The following DIP2A variants were observed in gnomAD, a reference collection of about 807,000 sequenced individuals.
The protein encoded by DIP2A is DIP2 acetate--CoA ligase A, also known as disco-interacting protein 2 homolog A.
DIP2A carries 85 observed loss-of-function variants against 177.4 expected under a neutral mutation model. The observed-to-expected ratio is 0.48, with a 90% CI of 0.40 to 0.57. The LOEUF is 0.57. DIP2A is among the 20% of genes least tolerant of loss of function. DIP2A has a pLI of 0.00. For synonymous variants in DIP2A, 886 were observed against 881.8 expected, an observed-to-expected ratio of 1.00 and a Z score of -0.08; for missense variants, 1,791 against 2,100.2, an observed-to-expected ratio of 0.85 and a Z score of 2.88.
In DIP2A at chr21:46,537,795, C is replaced by T. The variant is rs772727687; in HGVS notation, c.1801+256C>T. On this transcript the variant is annotated intron_variant, in intron 15 of 37. Transcript: ENST00000417564. The surrounding 1 kb of genome is among the most constrained non-coding windows in gnomAD (Gnocchi z 4.1). ...GGGGTCTGGGCCTTACTTCTCTCAA[C>T]GGTTGAGGTGCCTCCTGGGACCAAG... Among the ~76,000 whole-genome samples, 3 of 152,078 alleles carry T rather than the reference C, an allele frequency of 2.0e-5. No homozygotes were observed. The highest frequency in any genetic ancestry group is 2.9e-5 in the Non-Finnish European group (2 of 68,018).
rs374726250 is a variant in DIP2A, at chr21:46,560,743, A to C, written c.3991A>C (p.Thr1331Pro). 6.2e-6 allele frequency: 10 copies of C among 1,609,340 alleles called. No homozygotes were observed. The African/African-American group carries it at 9.4e-5, about 15-fold the overall frequency. Residue 1331 changes from threonine to proline, a missense_variant, in exon 33 of 38, where the codon ACA becomes CCA. Physicochemically the swap from Thr to Pro is conservative, Grantham distance 38 (BLOSUM62 -1). Coordinates refer to ENST00000417564, the MANE Select transcript of DIP2A (RefSeq NM_015151.4). ...CCAGGGCACAGCTGGCCCGGACCCC[A>C]CAACCGTCTACGTGGACATGCGGGC... Reference protein sequence around the residue: ...CLQGTAGPDPTTVYVDMRALR... With the variant: ...CLQGTAGPDPPTVYVDMRALR...
At chr21:46,566,712 CGTG>C in intron 37 of DIP2A, 29 bp downstream of exon 37, 1 of 1,613,404 alleles carries the variant, frequency 6.2e-7, no homozygotes, top group Non-Finnish European at 8.5e-7. Flanking sequence ...GGCGGCTTCA[CGTG>C]GTCCCTCCAG....
intron 1 of DIP2A, among the ~76,000 whole-genome samples, chr21:46,466,140 G>C (rs1409876114): frequency 2.0e-5 from 3 of 152,108 alleles, no homozygotes; most frequent in South Asian, 2.1e-4. Context: ...TAATGAATGA[G>C]TATTTGATAT....
At chr21:46,499,140 T>C (rs922431464) in intron 5 of DIP2A, among the ~76,000 whole-genome samples, 1 of 152,206 alleles carries the variant, frequency 6.6e-6, no homozygotes, top group African/African-American at 2.4e-5. Context: ...AGTTGCAAAT[T>C]TTTTCCCCCA....
In DIP2A at chr21:46,557,942, C is replaced by A. The variant is rs749591047; in HGVS notation, c.3798+189C>A. On this transcript the variant is annotated intron_variant, in intron 31 of 37. Transcript: ENST00000417564. The surrounding 1 kb of genome is among the most constrained non-coding windows in gnomAD (Gnocchi z 6.0). ...CGGCCCACCTGTCTCTGCAGCTCCACACCCCGCAGGAGAGGAGGGTGGGGG... is the reference window on the plus strand; with the variant it reads ...CGGCCCACCTGTCTCTGCAGCTCCAAACCCCGCAGGAGAGGAGGGTGGGGG... 1.3e-4 allele frequency among the ~76,000 whole-genome samples: 20 copies of A among 152,218 alleles called. No homozygotes were observed. Among genetic ancestry groups the A allele is most frequent in the East Asian group, 1.9e-4 (1 of 5,192 alleles).
chr21:46,529,785 A>G (rs1206535028), intron 9 of DIP2A, among the ~76,000 whole-genome samples: 1 of 152,150 alleles, frequency 6.6e-6, no homozygotes. Context: ...CTTAGATTTT[A>G]TGAATTAAAA....
chr21:46,528,527 CTTTTTTTTTTTTTTTTTTTTTT>C lies in DIP2A; in HGVS notation c.1103-545_1103-524del, dbSNP rs1162872343. The stretch of plus-strand genomic sequence containing the variant: ...ACCAAATACTGACTTTTTCTGCTTG[CTTTTTTTTTTTTTTTTTTTTTT>C]TTTTTTTTTTTTTTTTTTTAGATAA... On this transcript the variant is annotated intron_variant, in intron 8 of 37. Transcript: ENST00000417564. Among the ~76,000 whole-genome samples, 200 of 29,408 alleles carry C rather than the reference CTTTTTTTTTTTTTTTTTTTTTT, an allele frequency of 6.8e-3. 4 individuals are homozygous for C. Among genetic ancestry groups the C allele is most frequent in the African/African-American group, 0.025 (160 of 6,446 alleles). 19.3% of individuals were successfully genotyped at this position (29,408 alleles called of 152,430 possible). A position where few individuals can be genotyped will look rare whatever the true frequency, so the allele number is the denominator to read the frequency against.
intron 1 of DIP2A, among the ~76,000 whole-genome samples, chr21:46,470,785 C>G (rs1048604436): frequency 2.0e-5 from 3 of 149,626 alleles, no homozygotes; most frequent in Non-Finnish European, 4.4e-5. Flanking sequence ...AAAAATTAGC[C>G]AGGCATGGTG....
intron 8 of DIP2A, among the ~76,000 whole-genome samples, chr21:46,513,060 G>C (rs977958398): frequency 6.6e-6 from 1 of 151,232 alleles, no homozygotes; most frequent in African/African-American, 2.4e-5. Context: ...TTTTAATTAT[G>C]GCTTTTAATG....
intron 23 of DIP2A, among the ~76,000 whole-genome samples, 169 bp downstream of exon 23, chr21:46,550,913 T>A (rs903947903): frequency 3.3e-5 from 5 of 152,202 alleles, no homozygotes; most frequent in African/African-American, 1.2e-4. Flanking sequence ...ACCTCCCGCC[T>A]TCCTGGAACC....
chr21:46,470,055 AGGCCAGGTGCGGT>A (rs1304012573), intron 1 of DIP2A, among the ~76,000 whole-genome samples: 2 of 152,238 alleles, frequency 1.3e-5, no homozygotes, highest in African/African-American at 4.8e-5. Context: ...AAATGAATTC[AGGCCAGGTGCGGT>A]GGCTCACGCC....
chr21:46,473,543 TCTTG>T (rs2055586491), intron 1 of DIP2A, among the ~76,000 whole-genome samples: 1 of 151,564 alleles, frequency 6.6e-6, no homozygotes, highest in East Asian at 1.9e-4. Context: ...GGAGACAGAG[TCTTG>T]CTCTGTTACC....
chr21:46,487,722 C>G (rs1282637549), intron 2 of DIP2A, among the ~76,000 whole-genome samples: 1 of 152,090 alleles, frequency 6.6e-6, no homozygotes, highest in Non-Finnish European at 1.5e-5. Flanking sequence ...ATAATGAAAA[C>G]AAACTGTCAA....
At chr21:46,479,614 C>T (rs917757675) in intron 1 of DIP2A, among the ~76,000 whole-genome samples, 16 of 152,170 alleles carry the variant, frequency 1.1e-4, no homozygotes, top group Non-Finnish European at 1.9e-4. Flanking sequence ...CAGCCTCGAA[C>T]TCCTGGGCTC....
At chr21:46,549,266 G>C (rs544894790) in intron 21 of DIP2A, among the ~76,000 whole-genome samples, 23 of 152,200 alleles carry the variant, frequency 1.5e-4, no homozygotes, top group African/African-American at 5.5e-4. Context: ...CTTACTTTAT[G>C]AAAGAAAAGA....
rs150498188 is a variant in DIP2A at position 46,546,805 on chromosome 21, G to A, written c.2395-110G>A. ...TGGGGCATTGACCCGTTTGCAAGGC[G>A]CTAGAGGCTCCTGTGCTGTTGGCCC... On this transcript the variant is annotated intron_variant, in intron 20 of 37. Transcript: ENST00000417564. 1,559 of 1,300,990 alleles carry A rather than the reference G, an allele frequency of 1.2e-3. 10 individuals are homozygous for A. Among genetic ancestry groups the A allele is most frequent in the East Asian group, 9.2e-3 (371 of 40,416 alleles). 80.6% of individuals were successfully genotyped at this position (1,300,990 alleles called of 1,614,324 possible).
intron 7 of DIP2A, among the ~76,000 whole-genome samples, chr21:46,510,614 A>G: frequency 7.0e-6 from 1 of 142,068 alleles, no homozygotes; most frequent in Non-Finnish European, 1.5e-5. Flanking sequence ...CAGGAGCTAT[A>G]TAATCAAATA....
chr21:46,527,120 T>C (rs2059128320), intron 8 of DIP2A, among the ~76,000 whole-genome samples: 1 of 152,234 alleles, frequency 6.6e-6, no homozygotes, highest in Non-Finnish European at 1.5e-5. Context: ...ATGATTGTTT[T>C]ATTTTTCACC....
intron 11 of DIP2A, 124 bp from the exon 12 acceptor site, chr21:46,533,880 G>T: frequency 1.0e-6 from 1 of 993,296 alleles, no homozygotes; most frequent in Non-Finnish European, 1.5e-6. Context: ...AATGAAATGA[G>T]ACTAAAACTT....
Sources: allele counts gnomAD v4.1 joint callset (sites outside exome capture counted in the v4.1 genomes callset), GRCh38; gene constraint gnomAD v4.1.1; non-coding constraint Gnocchi (gnomAD v3.1); transcripts MANE v1.5; gene names NCBI Gene and HGNC (gene_info 2026-07-23, HGNC 2026-07-21).